The following DNAJC18 variants were observed in gnomAD, a reference collection of about 807,000 sequenced individuals.
The protein encoded by DNAJC18 is DnaJ heat shock protein family (Hsp40) member C18.
DNAJC18 carries 40 observed loss-of-function variants against 48.6 expected under a neutral mutation model. The ratio of observed to expected loss-of-function variants is 0.82; its 90% CI spans 0.64 to 1.07. The LOEUF (loss-of-function observed/expected upper bound fraction) is 1.07, where lower values mean the gene tolerates loss of function less well. Ranked by LOEUF, DNAJC18 falls within the 50% of genes least tolerant of loss-of-function variation. The probability of loss-of-function intolerance (pLI) is 0.00; values close to 1 mark genes in which losing one functional copy is unlikely to be tolerated. For missense variants in DNAJC18, 340 were observed against 427.7 expected, an observed-to-expected ratio of 0.79 and a Z score of 1.81; for synonymous variants, 135 against 152.2, an observed-to-expected ratio of 0.89 and a Z score of 0.83.
At position 139,425,014 on chromosome 5, in the gene DNAJC18, C is replaced by T. The variant is rs1319493178; in HGVS notation, c.660G>A (p.Glu220=). The T allele has an allele frequency of 1.2e-6, 2 of 1,613,008 alleles. No individual in the cohort carries two copies. The highest frequency in any genetic ancestry group is 1.7e-5 in the Admixed American group (1 of 59,980). ...CTCCCTCCCTAGGTACCTGAGGTTT[C>T]TCTTCTTCCTCCTCCTTCTGAGTCT... ...RTQTQKEEEE[E]KPQTTYSAFI... The change falls in exon 5 of 8, where the codon GAG becomes GAA. Residue 220 remains glutamate (E), a synonymous_variant. Transcript: ENST00000302060.
At chr5:139,423,060 C>G (rs1231706547) in intron 5 of DNAJC18, among the ~76,000 whole-genome samples, 1 of 152,142 alleles carries the variant, frequency 6.6e-6, no homozygotes, top group African/African-American at 2.4e-5. Context: ...TCTCGATCTC[C>G]TGACCTCGTG....
In DNAJC18 at chr5:139,417,167, G is replaced by A. The variant is rs186488872; in HGVS notation, c.952+2886C>T. On this transcript the variant is annotated intron_variant, in intron 7 of 7. Coordinates refer to ENST00000302060, the MANE Select transcript of DNAJC18 (RefSeq NM_152686.4). ...ATTGCATGACTGCACTCCAGCCTGA[G>A]CGAGAGAGCGAGACTCTGTCAAAAA... 6.3e-4 allele frequency among the ~76,000 whole-genome samples: 91 copies of A among 144,696 alleles called. 1 individual carries two copies. In the East Asian group the frequency reaches 0.016, roughly 26 times the overall value. The allele number at this position is 144,696 out of a possible 152,430, so 94.9% of individuals were successfully genotyped here.
intron 2 of DNAJC18, among the ~76,000 whole-genome samples, chr5:139,430,099 G>A (rs1359039570): frequency 6.6e-6 from 1 of 152,038 alleles, no homozygotes; most frequent in Non-Finnish European, 1.5e-5. Flanking sequence ...GCATGGTACA[G>A]GAAGCGAAAA....
intron 6 of DNAJC18, among the ~76,000 whole-genome samples, chr5:139,421,740 G>A (rs1490194322): frequency 1.3e-5 from 2 of 152,076 alleles, no homozygotes; most frequent in African/African-American, 4.8e-5. Flanking sequence ...CCAGGGATGT[G>A]GAGGTTGAAG....
At chr5:139,426,803 C>T (rs996876632) in intron 3 of DNAJC18, among the ~76,000 whole-genome samples, 2 of 151,950 alleles carry the variant, frequency 1.3e-5, no homozygotes, top group Admixed American at 6.6e-5. Context: ...TGCAGTGAGC[C>T]GAGATCATGC....
At chr5:139,436,590 A>G (rs1750665188) in intron 2 of DNAJC18, among the ~76,000 whole-genome samples, 1 of 139,698 alleles carries the variant, frequency 7.2e-6, no homozygotes, top group Middle Eastern at 3.8e-3. Flanking sequence ...TGTAGCTTCA[A>G]CCTACTGGGT....
intron 7 of DNAJC18, among the ~76,000 whole-genome samples, chr5:139,417,529 T>C (rs571636276): frequency 6.6e-6 from 1 of 152,106 alleles, no homozygotes; most frequent in South Asian, 2.1e-4. Context: ...TAACTGCCAT[T>C]TGGAACTTGT....
chr5:139,424,358 G>A (rs901654611), intron 5 of DNAJC18, among the ~76,000 whole-genome samples: 25 of 152,218 alleles, frequency 1.6e-4, no homozygotes, highest in Non-Finnish European at 2.8e-4. Flanking sequence ...TGAGCTTCAT[G>A]AGACTCTTTT....
rs142496563 is a variant in DNAJC18, at chr5:139,426,344, T to C, written c.387A>G (p.Ala129=). ...TATCAGGATTGCTCAGGACTGCAAATGCATTTCCTATTGCTGCAACCAACA... is the reference window on the plus strand; with the variant it reads ...TATCAGGATTGCTCAGGACTGCAAACGCATTTCCTATTGCTGCAACCAACA... ...ATDAFKAIGN[A]FAVLSNPDKR... The change falls in exon 4 of 8, where the codon GCA becomes GCG. Residue 129 remains alanine (A), a synonymous_variant. Coordinates refer to ENST00000302060, the MANE Select transcript of DNAJC18 (RefSeq NM_152686.4). 3.1e-5 allele frequency: 50 copies of C among 1,614,060 alleles called. No individual in the cohort carries two copies. The African/African-American group carries it at 6.3e-4, about 20-fold the overall frequency.
intron 5 of DNAJC18, among the ~76,000 whole-genome samples, chr5:139,423,993 C>T (rs1759196344): frequency 6.6e-6 from 1 of 152,186 alleles, no homozygotes; most frequent in Non-Finnish European, 1.5e-5. Flanking sequence ...CTCTAGGAGC[C>T]AGGTTAGCAT....
rs188562389 is a variant in DNAJC18 at position 139,438,362 on chromosome 5, T to A, written c.41-804A>T. 5.2e-4 allele frequency among the ~76,000 whole-genome samples: 79 copies of A among 152,144 alleles called. No individual in the cohort carries two copies. The East Asian group carries it at 0.01, about 20-fold the overall frequency. On this transcript the variant is annotated intron_variant, in intron 1 of 7. Transcript: ENST00000302060. ...ATGAGATTTTTTTTTGCAATTTTTT[T>A]AAAGTTCATTAGCTGTCATCAGTTA...
chr5:139,413,879 T>A lies in DNAJC18; in HGVS notation c.*269A>T. Reference sequence around the variant, plus strand: ...CTGAACTCCATTCACATAGGCAGGGTAGGCATGGAGCAGGGAGACGGAATC... The same window carrying A: ...CTGAACTCCATTCACATAGGCAGGGAAGGCATGGAGCAGGGAGACGGAATC... On this transcript the variant is annotated 3_prime_UTR_variant, in exon 8 of 8. Coordinates refer to ENST00000302060, the MANE Select transcript of DNAJC18 (RefSeq NM_152686.4). The A allele has an allele frequency of 4.9e-6, 2 of 408,548 alleles. No homozygotes were observed. Among genetic ancestry groups the A allele is most frequent in the Non-Finnish European group, 8.7e-6 (2 of 229,440 alleles). The allele number at this position is 408,548 out of a possible 1,614,324, so 25.3% of individuals were successfully genotyped here. A position where few individuals can be genotyped will look rare whatever the true frequency, so the allele number is the denominator to read the frequency against.
chr5:139,419,390 G>T (rs905440916), intron 7 of DNAJC18, among the ~76,000 whole-genome samples: 5 of 152,234 alleles, frequency 3.3e-5, no homozygotes, highest in African/African-American at 4.8e-5. Flanking sequence ...AGGGAAATAG[G>T]GGGGAAGGCC....
chr5:139,434,385 G>C (rs1279280284), intron 2 of DNAJC18, among the ~76,000 whole-genome samples: 2 of 152,132 alleles, frequency 1.3e-5, no homozygotes, highest in South Asian at 4.1e-4. Flanking sequence ...TTGCAGTAGG[G>C]TGATCATAGC....
chr5:139,433,831 AT>A (rs774871674), intron 2 of DNAJC18, among the ~76,000 whole-genome samples: 3 of 152,288 alleles, frequency 2.0e-5, no homozygotes, highest in East Asian at 3.9e-4. Context: ...TATTTTATGC[AT>A]TCATATAATT....
In DNAJC18 at chr5:139,412,739, C is replaced by G. The variant is rs1373794163; in HGVS notation, c.*1409G>C. 5 of 398,542 alleles carry G rather than the reference C, an allele frequency of 1.3e-5. No individual in the cohort carries two copies. The East Asian group carries it at 1.8e-4, about 14-fold the overall frequency. The allele number at this position is 398,542 out of a possible 1,614,324, so 24.7% of individuals were successfully genotyped here. On this transcript the variant is annotated 3_prime_UTR_variant, in exon 8 of 8. Coordinates refer to ENST00000302060, the MANE Select transcript of DNAJC18 (RefSeq NM_152686.4). Reference sequence around the variant, plus strand: ...ATTCTTCCTAGTCACCAGTGGAGGGCTGCCTGCCTGTGAGGGACCTCTTAT... The same window carrying G: ...ATTCTTCCTAGTCACCAGTGGAGGGGTGCCTGCCTGTGAGGGACCTCTTAT...
chr5:139,415,642 G>C (rs1759059790), intron 7 of DNAJC18, among the ~76,000 whole-genome samples: 1 of 152,178 alleles, frequency 6.6e-6, no homozygotes, highest in Non-Finnish European at 1.5e-5. Context: ...GAGGATCATG[G>C]GCCATATCCA....
chr5:139,420,295 A>G (rs1759133029), intron 6 of DNAJC18, 70 bp from the exon 7 acceptor site: 3 of 1,413,174 alleles, frequency 2.1e-6, no homozygotes, highest in Non-Finnish European at 1.9e-6. Flanking sequence ...CACTGCCCTC[A>G]CAGATATCAT....
intron 2 of DNAJC18, among the ~76,000 whole-genome samples, chr5:139,430,210 G>C (rs562402659): frequency 6.6e-6 from 1 of 152,290 alleles, no homozygotes; most frequent in African/African-American, 2.4e-5. Context: ...AAACAGTGAT[G>C]ATGTAATTAC....
Sources: gnomAD v4.1 joint callset for allele counts (sites outside exome capture counted in the v4.1 genomes callset) on GRCh38, gnomAD v4.1.1 for gene constraint, MANE v1.5 for transcripts, NCBI Gene and HGNC (gene_info 2026-07-23, HGNC 2026-07-21) for gene names.